UBAP1: variants seen among roughly 807,000 people sequenced by gnomAD.
The protein encoded by UBAP1 is ubiquitin-associated protein 1.
UBAP1 carries 5 observed loss-of-function variants against 39.0 expected under a neutral mutation model. That is an observed-to-expected ratio of 0.13 (90% CI 0.07 to 0.27). UBAP1 has a LOEUF of 0.27. UBAP1 is among the 10% of genes least tolerant of loss of function. The pLI is 1.00. For synonymous variants in UBAP1, 211 were observed against 225.1 expected (o/e 0.94, Z 0.56); for missense variants, 490 against 608.1 (o/e 0.81, Z 2.04).
chr9:34,250,893 A>G (rs1315178202), intron 6 of UBAP1, 134 bp downstream of exon 6: 3 of 759,370 alleles, frequency 4.0e-6, no homozygotes, highest in Admixed American at 4.1e-5. Context: ...TGAAGGGCAG[A>G]ATCTCCCAAG....
intron 1 of UBAP1, among the ~76,000 whole-genome samples, chr9:34,210,103 T>C (rs545387123): frequency 6.6e-6 from 1 of 152,344 alleles, no homozygotes; most frequent in African/African-American, 2.4e-5. Context: ...TTATTCCAGC[T>C]GAATTAAAAG....
chr9:34,202,732 A>C (rs1039558134), intron 1 of UBAP1, among the ~76,000 whole-genome samples: 2 of 145,334 alleles, frequency 1.4e-5, no homozygotes, highest in Non-Finnish European at 3.0e-5. Flanking sequence ...AATAACTGTC[A>C]ATCTTGTTTT....
intron 2 of UBAP1, among the ~76,000 whole-genome samples, chr9:34,229,248 T>C (rs1051610017): frequency 2.6e-5 from 4 of 151,898 alleles, no homozygotes; most frequent in East Asian, 1.9e-4. Context: ...ACTTCTCTTA[T>C]AGGATTTTTA....
intron 4 of UBAP1, among the ~76,000 whole-genome samples, chr9:34,249,512 C>G (rs1345708378): frequency 3.3e-5 from 5 of 152,156 alleles, no homozygotes; most frequent in Non-Finnish European, 7.3e-5. Context: ...GTGGCGCTTT[C>G]TCAATCACCA....
At chr9:34,199,410 A>G (rs184994021) in intron 1 of UBAP1, among the ~76,000 whole-genome samples, 9 of 152,072 alleles carry the variant, frequency 5.9e-5, no homozygotes, top group Middle Eastern at 3.4e-3. Context: ...TTGAGACACT[A>G]TTTCTATTTT....
intron 2 of UBAP1, among the ~76,000 whole-genome samples, chr9:34,228,823 T>C (rs1833253746): frequency 6.6e-6 from 1 of 151,616 alleles, no homozygotes; most frequent in Non-Finnish European, 1.5e-5. Flanking sequence ...TTGAGTGATC[T>C]ATCCGCCTTG....
At chr9:34,203,402 T>C (rs557411196) in intron 1 of UBAP1, among the ~76,000 whole-genome samples, 3 of 152,342 alleles carry the variant, frequency 2.0e-5, no homozygotes, top group South Asian at 2.1e-4. Context: ...AGTGTTATGC[T>C]GATCTCATAC....
chr9:34,182,612 T>C (rs867490607), intron 1 of UBAP1, among the ~76,000 whole-genome samples: 3 of 148,478 alleles, frequency 2.0e-5, no homozygotes, highest in Admixed American at 1.4e-4. Flanking sequence ...TTTTTCTTTC[T>C]TTCCTTCTTT....
At chr9:34,221,239 A>T (rs980653798) in intron 2 of UBAP1, among the ~76,000 whole-genome samples, 1 of 152,282 alleles carries the variant, frequency 6.6e-6, no homozygotes, top group East Asian at 1.9e-4. Context: ...CATTGAAGGT[A>T]TAGTTACTGG....
At chr9:34,224,135 C>T in intron 2 of UBAP1, 2 of 731,828 alleles carry the variant, frequency 2.7e-6, no homozygotes, top group South Asian at 2.4e-5. Context: ...CAGGAGACTG[C>T]TGATTTTGGC....
intron 2 of UBAP1, among the ~76,000 whole-genome samples, chr9:34,232,014 G>T (rs946466475): frequency 1.3e-5 from 2 of 152,058 alleles, no homozygotes; most frequent in African/African-American, 4.8e-5. Context: ...AAGTCCTAAG[G>T]TGGTAGTATT....
At chr9:34,196,418 C>T (rs545086708) in intron 1 of UBAP1, among the ~76,000 whole-genome samples, 36 of 151,124 alleles carry the variant, frequency 2.4e-4, no homozygotes, top group Middle Eastern at 3.4e-3. Flanking sequence ...TGGGTTCAAG[C>T]GATTCTCCTG....
chr9:34,204,246 T>A (rs1462023402), intron 1 of UBAP1, among the ~76,000 whole-genome samples: 1 of 152,168 alleles, frequency 6.6e-6, no homozygotes, highest in Non-Finnish European at 1.5e-5. Context: ...AGAATCTTGC[T>A]GCTGCACTCC....
chr9:34,248,471 T>C (rs570980021), intron 4 of UBAP1, among the ~76,000 whole-genome samples: 1 of 152,326 alleles, frequency 6.6e-6, no homozygotes, highest in South Asian at 2.1e-4. Context: ...GGGAATGTCA[T>C]GTGAGAGCTG....
intron 1 of UBAP1, among the ~76,000 whole-genome samples, chr9:34,214,468 T>C (rs1310702620): frequency 2.0e-5 from 3 of 152,152 alleles, no homozygotes; most frequent in African/African-American, 7.2e-5. Context: ...GCTGGCCATA[T>C]GTAGGACAAT....
intron 1 of UBAP1, among the ~76,000 whole-genome samples, chr9:34,198,477 T>C (rs1047544948): frequency 5.9e-5 from 9 of 152,166 alleles, no homozygotes; most frequent in Admixed American, 4.6e-4. Flanking sequence ...CCATAGGCTA[T>C]GCTCAGCTGA....
At chr9:34,184,630 G>GAA (rs560379399) in intron 1 of UBAP1, among the ~76,000 whole-genome samples, 1,094 of 94,384 alleles carry the variant, frequency 0.012, 21 homozygotes, top group African/African-American at 0.031. Context: ...GACTCCGTCT[G>GAA]AAAAAAAAAA....
At chr9:34,216,688 C>T (rs1386391054) in intron 1 of UBAP1, among the ~76,000 whole-genome samples, 1 of 134,390 alleles carries the variant, frequency 7.4e-6, no homozygotes. Flanking sequence ...GCTCTCTTGC[C>T]CAAGCTGGAG....
At chr9:34,240,400 C>G (rs577637311) in intron 3 of UBAP1, among the ~76,000 whole-genome samples, 1 of 152,122 alleles carries the variant, frequency 6.6e-6, no homozygotes, top group Admixed American at 6.6e-5. Context: ...TGTCTCTCAC[C>G]TTGGACATTA....
Sources: gnomAD v4.1 joint callset for allele counts (sites outside exome capture counted in the v4.1 genomes callset) on GRCh38, gnomAD v4.1.1 for gene constraint, MANE v1.5 for transcripts, NCBI Gene and HGNC (gene_info 2026-07-23, HGNC 2026-07-21) for gene names.